The following TPM1 variants were observed in gnomAD, a reference collection of about 807,000 sequenced individuals.
TPM1 encodes the protein tropomyosin alpha-1 chain.
In TPM1, 24 loss-of-function variants were observed where a neutral mutation model predicts 42.9. The observed-to-expected ratio is 0.56, with a 90% CI of 0.41 to 0.79. TPM1 has a LOEUF of 0.79. TPM1 is among the 30% of genes least tolerant of loss of function. The pLI, the probability that TPM1 is intolerant of heterozygous loss-of-function variation, is 0.00. For missense variants in TPM1, 158 were observed against 351.8 expected, an observed-to-expected ratio of 0.45 and a Z score of 4.41; for synonymous variants, 136 against 130.1, an observed-to-expected ratio of 1.05 and a Z score of -0.31.
rs564299542 is a variant in TPM1, at chr15:63,051,729, A to G, written c.241-5256A>G. Among the ~76,000 whole-genome samples, 3 of 152,294 alleles carry G rather than the reference A, an allele frequency of 2.0e-5. No individual in the cohort carries two copies. The South Asian group carries it at 6.2e-4, about 32-fold the overall frequency. ...TCAGGACTTTGGAAACATATTCCAG[A>G]GGATTGATTTCTAGATTATAATATT... On this transcript the variant is annotated intron_variant, in intron 2 of 9. Coordinates refer to ENST00000403994, the MANE Select transcript of TPM1 (RefSeq NM_001018005.2).
intron 2 of TPM1, among the ~76,000 whole-genome samples, chr15:63,054,151 T>C (rs185179619): frequency 3.0e-4 from 45 of 152,286 alleles, no homozygotes; most frequent in African/African-American, 1.1e-3. Flanking sequence ...GTCTGCTGTG[T>C]GTGCCCTACC....
chr15:63,063,907 C>T (rs1450400153), intron 8 of TPM1, 157 bp from the exon 9 acceptor site: 7 of 986,758 alleles, frequency 7.1e-6, no homozygotes, highest in Non-Finnish European at 1.0e-5. Context: ...AAACGCACGC[C>T]TCCTGCATTG....
chr15:63,065,449 A>G, intron 9 of TPM1: 4 of 985,426 alleles, frequency 4.1e-6, no homozygotes, highest in African/African-American at 3.5e-5. Flanking sequence ...CCCACAGTCA[A>G]CAAAAAAGCC....
intron 2 of TPM1, 79 bp downstream of exon 2, chr15:63,044,231 TGAAG>T (rs1355974932): frequency 6.2e-7 from 1 of 1,609,494 alleles, no homozygotes; most frequent in Non-Finnish European, 8.5e-7. Flanking sequence ...TGGAGAGCAA[TGAAG>T]GAAGTTTACC....
chr15:63,062,345 G>A, intron 7 of TPM1, 68 bp downstream of exon 7: 2 of 1,511,830 alleles, frequency 1.3e-6, no homozygotes, highest in South Asian at 2.3e-5. Flanking sequence ...AACCGGTCAG[G>A]GCCTTTTCAT....
intron 5 of TPM1, 175 bp downstream of exon 5, chr15:63,061,114 T>A (rs889013368): frequency 6.7e-7 from 1 of 1,493,614 alleles, no homozygotes; most frequent in African/African-American, 1.4e-5. Flanking sequence ...GGGTGTCTTA[T>A]GTATGAATGC....
At chr15:63,063,981 T>TGC (rs920741090) in intron 8 of TPM1, 83 bp from the exon 9 acceptor site, 3 of 1,573,158 alleles carry the variant, frequency 1.9e-6, no homozygotes, top group Non-Finnish European at 2.6e-6. Flanking sequence ...GTTGGGATGG[T>TGC]GCGCGCACCA....
At chr15:63,057,760 G>C (rs1365626461) in intron 3 of TPM1, among the ~76,000 whole-genome samples, 2 of 152,234 alleles carry the variant, frequency 1.3e-5, no homozygotes, top group Admixed American at 6.5e-5. Context: ...AGCATGGTTC[G>C]TATAGACCAG....
intron 3 of TPM1, among the ~76,000 whole-genome samples, chr15:63,059,076 A>G (rs569848068): frequency 6.6e-6 from 1 of 152,268 alleles, no homozygotes; most frequent in African/African-American, 2.4e-5. Flanking sequence ...TAAATCTAAC[A>G]TTAAGTCTAA....
intron 2 of TPM1, chr15:63,047,183 C>T (rs998159855): frequency 2.0e-5 from 3 of 152,326 alleles, no homozygotes; most frequent in Admixed American, 2.0e-4. Flanking sequence ...GAAGCTCCCA[C>T]CTACAGGATG....
At chr15:63,071,235 T>C (rs2036596660) in exon 9 of TPM1, 2 of 1,029,242 alleles carry the variant, frequency 1.9e-6, no homozygotes, top group African/African-American at 1.5e-5. Flanking sequence ...AACACCTGCT[T>C]ACCCCTTAAA....
rs1247732187 is a variant in TPM1, at chr15:63,066,077, A to G, written c.*178A>G. The G allele has an allele frequency of 6.5e-7, 1 of 1,532,222 alleles. No individual in the cohort carries two copies. Among genetic ancestry groups the G allele is most frequent in the East Asian group, 2.4e-5 (1 of 40,900 alleles). 94.9% of individuals were successfully genotyped at this position (1,532,222 alleles called of 1,614,324 possible). ...GAAGCTCTTCGTTTCAGTGTCAAAT[A>G]AACACTGTGTAAGCTATTTCTGTTT... On this transcript the variant is annotated 3_prime_UTR_variant, in exon 10 of 10. Coordinates refer to ENST00000403994, the MANE Select transcript of TPM1 (RefSeq NM_001018005.2).
At chr15:63,048,049 G>A (rs2032779593) in intron 2 of TPM1, 1 of 344,164 alleles carries the variant, frequency 2.9e-6, no homozygotes, top group East Asian at 1.1e-4. Flanking sequence ...GGCCCTTTAG[G>A]GCATATTCCG....
chr15:63,048,601 C>G, intron 2 of TPM1: 1 of 1,531,670 alleles, frequency 6.5e-7, no homozygotes, highest in Non-Finnish European at 8.8e-7. Flanking sequence ...TCGCTGGAGG[C>G]GGTGCGCAGG....
At chr15:63,066,325 A>G (rs914973930), downstream of TPM1, 22 of 565,328 alleles carry the variant, frequency 3.9e-5, 1 homozygote, top group South Asian at 3.0e-4. Flanking sequence ...CTGATTTTCA[A>G]AGGTTAGAAT....
chr15:63,059,071 C>T (rs933201188), intron 3 of TPM1, among the ~76,000 whole-genome samples: 1 of 152,174 alleles, frequency 6.6e-6, no homozygotes, highest in African/African-American at 2.4e-5. Flanking sequence ...TTTATTAAAT[C>T]TAACATTAAG....
At chr15:63,069,600 T>C (rs1310113502), downstream of TPM1, among the ~76,000 whole-genome samples, 3 of 152,240 alleles carry the variant, frequency 2.0e-5, no homozygotes, top group Non-Finnish European at 4.4e-5. Context: ...TTCACTCTTC[T>C]TCCTCCTCTT....
At chr15:63,047,312 G>A (rs990542520) in intron 2 of TPM1, 1 of 152,268 alleles carries the variant, frequency 6.6e-6, no homozygotes, top group Admixed American at 6.5e-5. Flanking sequence ...GGGTTGTCAA[G>A]CATGTTTTCT....
intron 8 of TPM1, chr15:63,062,858 G>A: frequency 6.6e-7 from 1 of 1,522,688 alleles, no homozygotes; most frequent in Non-Finnish European, 8.8e-7. Flanking sequence ...CAGCCATAGT[G>A]GCAAATGCCA....
Sources: allele counts gnomAD v4.1 joint callset (sites outside exome capture counted in the v4.1 genomes callset), GRCh38; gene constraint gnomAD v4.1.1; transcripts MANE v1.5; gene names NCBI Gene and HGNC (gene_info 2026-07-23, HGNC 2026-07-21).